Variants in ABCC3 observed in about 807,000 individuals in gnomAD.
ABCC3 encodes the protein ATP binding cassette subfamily C member 3.
ABCC3 carries 121 observed loss-of-function variants against 165.3 expected under a neutral mutation model. The ratio of observed to expected loss-of-function variants is 0.73; its 90% CI spans 0.63 to 0.85. The LOEUF is 0.85. ABCC3 is among the 40% of genes least tolerant of loss of function. The pLI is 0.00. For missense variants in ABCC3, 1,869 were observed against 1,964.1 expected, an observed-to-expected ratio of 0.95 and a Z score of 0.92; for synonymous variants, 733 against 810.1, an observed-to-expected ratio of 0.90 and a Z score of 1.62.
chr17:50,659,432 C>T (rs537071645), intron 7 of ABCC3, 64 bp downstream of exon 7: 111 of 1,537,934 alleles, frequency 7.2e-5, no homozygotes, highest in Non-Finnish European at 8.6e-5. Context: ...CTGCAGAGGA[C>T]GCTGGTAGAC....
intron 5 of ABCC3, 79 bp from the exon 6 acceptor site, chr17:50,658,356 G>A: frequency 6.3e-7 from 1 of 1,581,552 alleles, no homozygotes; most frequent in Non-Finnish European, 8.7e-7. Context: ...AGGAACAAGG[G>A]TCCCCTCCAT....
chr17:50,657,697 G>A (rs996286832), intron 4 of ABCC3, among the ~76,000 whole-genome samples: 3 of 152,210 alleles, frequency 2.0e-5, no homozygotes, highest in African/African-American at 7.2e-5. Context: ...AAGGAGAGTA[G>A]CAAAGAACAT....
At chr17:50,649,624 G>C (rs1422613787) in intron 1 of ABCC3, among the ~76,000 whole-genome samples, 1 of 149,444 alleles carries the variant, frequency 6.7e-6, no homozygotes, top group Non-Finnish European at 1.5e-5. Flanking sequence ...AGAGATGAGG[G>C]GTGGGGAGGG....
Position 50,667,924 on chromosome 17 carries a change from A to G in ABCC3, c.1697A>G (p.Glu566Gly), listed in dbSNP as rs200871228. The change falls in exon 13 of 31, where the codon GAG becomes GGG. Residue 566 changes from glutamate to glycine, a missense_variant. Transcript: ENST00000285238. ...GACCCAAACAATGTGCTGGACGCCG[A>G]GAAGGCCTTTGTGTCTGTGTCCTTG... ...YVDPNNVLDAEKAFVSVSLFN... is the reference protein window; with the variant it reads ...YVDPNNVLDAGKAFVSVSLFN... The G allele has an allele frequency of 1.9e-6, 3 of 1,614,178 alleles. No homozygotes were observed. In the East Asian group the frequency reaches 6.7e-5, roughly 36 times the overall value.
At chr17:50,670,021 T>G (rs925895882) in intron 17 of ABCC3, among the ~76,000 whole-genome samples, 11 of 151,836 alleles carry the variant, frequency 7.2e-5, no homozygotes, top group African/African-American at 2.4e-4. Context: ...GCTCAGGAGA[T>G]CCTCCCACCC....
chr17:50,667,516 G>T (rs1376964048), intron 11 of ABCC3, 38 bp from the exon 12 acceptor site: 1 of 1,566,960 alleles, frequency 6.4e-7, no homozygotes, highest in East Asian at 2.3e-5. Context: ...TCAGGGGAGG[G>T]AGCAGGTGTG....
Position 50,667,703 on chromosome 17 carries a change from G to T in ABCC3, c.1581G>T (p.Thr527=), listed in dbSNP as rs11568603. The change falls in exon 12 of 31, where the codon ACG becomes ACT. Residue 527 remains threonine (T), a synonymous_variant. Transcript: ENST00000285238. ...AGGGTGAGCTCCAGCTGCTGCGCACGGCGGCCTACCTCCACACCACAACCA... is the reference window on the plus strand; with the variant it reads ...AGGGTGAGCTCCAGCTGCTGCGCACTGCGGCCTACCTCCACACCACAACCA... ...IRQGELQLLR[T]AAYLHTTTTF... The T allele has an allele frequency of 1.9e-6, 3 of 1,613,958 alleles. No homozygotes were observed. Among genetic ancestry groups the T allele is most frequent in the African/African-American group, 2.7e-5 (2 of 74,896 alleles).
intron 1 of ABCC3, among the ~76,000 whole-genome samples, chr17:50,647,153 A>G (rs1967017335): frequency 6.6e-6 from 1 of 152,244 alleles, no homozygotes; most frequent in African/African-American, 2.4e-5. Flanking sequence ...CTGGGATTAC[A>G]GGTGTAAGCC....
chr17:50,651,456 C>T (rs1204365365), intron 1 of ABCC3, among the ~76,000 whole-genome samples: 10 of 152,208 alleles, frequency 6.6e-5, no homozygotes, highest in Admixed American at 5.9e-4. Flanking sequence ...AGCGTGGTGG[C>T]TCACGCCTGT....
At chr17:50,645,336 T>A (rs1287616819) in intron 1 of ABCC3, among the ~76,000 whole-genome samples, 3 of 129,346 alleles carry the variant, frequency 2.3e-5, no homozygotes, top group Admixed American at 2.0e-4. Flanking sequence ...ATTGTGCCAC[T>A]GCCCTCCAGC....
At position 50,661,034 on chromosome 17, in the gene ABCC3, C is replaced by A; in HGVS notation, c.918C>A (p.Thr306=). 1 of 1,614,238 alleles carries A rather than the reference C, an allele frequency of 6.2e-7. No individual in the cohort carries two copies. Among genetic ancestry groups the A allele is most frequent in the Non-Finnish European group, 8.5e-7 (1 of 1,180,032 alleles). ...CCTTCCTGAAGGCCCTGCTGGCCAC[C>A]TTCGGCTCCAGCTTCCTCATCAGTG... ...KPSFLKALLA[T]FGSSFLISAC... The change falls in exon 8 of 31, where the codon ACC becomes ACA. Residue 306 remains threonine, a synonymous_variant. Transcript: ENST00000285238.
chr17:50,672,898 A>C (rs1967677886), intron 17 of ABCC3, 73 bp from the exon 18 acceptor site: 1 of 1,438,266 alleles, frequency 7.0e-7, no homozygotes, highest in Non-Finnish European at 9.4e-7. Context: ...TGCCATCCCA[A>C]ATAACAGTGG....
At chr17:50,677,039 G>A (rs1276634327) in intron 23 of ABCC3, among the ~76,000 whole-genome samples, 5 of 152,148 alleles carry the variant, frequency 3.3e-5, no homozygotes, top group Non-Finnish European at 5.9e-5. Context: ...GCGCCACCAC[G>A]CCCAGCTAAT....
chr17:50,641,387 G>T (rs544503068), intron 1 of ABCC3, among the ~76,000 whole-genome samples: 3 of 152,330 alleles, frequency 2.0e-5, no homozygotes, highest in South Asian at 4.1e-4. Context: ...TCGTCATCCT[G>T]CCCTGCAGGG....
At chr17:50,669,861 T>C (rs1042992905) in intron 17 of ABCC3, among the ~76,000 whole-genome samples, 1 of 151,930 alleles carries the variant, frequency 6.6e-6, no homozygotes, top group Non-Finnish European at 1.5e-5. Flanking sequence ...CATGGTGACA[T>C]CATGGGACGC....
intron 17 of ABCC3, among the ~76,000 whole-genome samples, chr17:50,671,702 C>CTCT (rs1967649122): frequency 3.5e-5 from 2 of 56,372 alleles, no homozygotes; most frequent in Non-Finnish European, 7.1e-5. Context: ...TCCTTCCTTC[C>CTCT]TTTTTTTTTT....
chr17:50,667,498 G>T (rs764794192), intron 11 of ABCC3, 56 bp from the exon 12 acceptor site: 7 of 1,485,538 alleles, frequency 4.7e-6, no homozygotes, highest in Non-Finnish European at 6.5e-6. Flanking sequence ...GACCCTGTGA[G>T]CAGGAGGTCA....
In ABCC3 at chr17:50,676,511, C is replaced by A; in HGVS notation, c.3301C>A (p.Leu1101Ile). Residue 1101 changes from leucine (L) to isoleucine (I), a missense_variant, in exon 23 of 31, where the codon CTT (leucine) becomes ATT (isoleucine). By Grantham distance (5) the Leu-to-Ile change is conservative (BLOSUM62 2). Coordinates refer to ENST00000285238, the MANE Select transcript of ABCC3 (RefSeq NM_003786.4). The part of the protein sequence containing the change: ...LNSFFNAIST[L>I]VVIMASTPLF... ...TTCCTTCTTCAACGCCATCTCCACT[C>A]TTGTGGTCATCATGGCCAGCACGCC... The A allele has an allele frequency of 6.2e-7, 1 of 1,613,866 alleles. No homozygotes were observed. Among genetic ancestry groups the A allele is most frequent in the Non-Finnish European group, 8.5e-7 (1 of 1,179,960 alleles).
At position 50,665,150 on chromosome 17, in the gene ABCC3, C is replaced by T; in HGVS notation, c.1339-3C>T. ...TGTCATCTATCCACCGGTGCCTCCTCAGAACCTAGGTCCCTCTGTCCTGGC... is the reference window on the plus strand; with the variant it reads ...TGTCATCTATCCACCGGTGCCTCCTTAGAACCTAGGTCCCTCTGTCCTGGC... On this transcript the variant is annotated splice_polypyrimidine_tract_variant and splice_region_variant and intron_variant, in intron 10 of 30. Coordinates refer to ENST00000285238, the MANE Select transcript of ABCC3 (RefSeq NM_003786.4). The T allele has an allele frequency of 2.5e-6, 4 of 1,614,152 alleles. No individual in the cohort carries two copies. The highest frequency in any genetic ancestry group is 3.4e-6 in the Non-Finnish European group (4 of 1,179,982).
Sources: allele counts gnomAD v4.1 joint callset (sites outside exome capture counted in the v4.1 genomes callset), GRCh38; gene constraint gnomAD v4.1.1; transcripts MANE v1.5; gene names NCBI Gene and HGNC (gene_info 2026-07-23, HGNC 2026-07-21).